The following MSTO1 variants were observed in gnomAD, a reference collection of about 807,000 sequenced individuals.
MSTO1 encodes misato mitochondrial distribution and morphology regulator 1.
MSTO1 carries 24 observed loss-of-function variants against 55.7 expected under a neutral mutation model. The ratio of observed to expected loss-of-function variants is 0.43; its 90% CI spans 0.31 to 0.61. MSTO1 has a LOEUF of 0.61. Ranked by LOEUF, MSTO1 falls within the 20% of genes least tolerant of loss-of-function variation. The pLI, the probability that MSTO1 is intolerant of heterozygous loss-of-function variation, is 0.09. For synonymous variants in MSTO1, 162 were observed against 252.8 expected, an observed-to-expected ratio of 0.64 and a Z score of 3.41; for missense variants, 363 against 625.7, an observed-to-expected ratio of 0.58 and a Z score of 4.48.
chr1:155,585,297 G>A, the MSTO1 span, among the ~76,000 whole-genome samples: 1 of 152,150 alleles, frequency 6.6e-6, no homozygotes, highest in African/African-American at 2.4e-5. Context: ...GCCAAGGCGG[G>A]CGGATCACGA....
the MSTO1 span, among the ~76,000 whole-genome samples, chr1:155,565,707 T>C: frequency 1.3e-5 from 2 of 152,194 alleles, no homozygotes; most frequent in African/African-American, 4.8e-5. Context: ...TAAGTTTCAT[T>C]AACTACACTG....
the MSTO1 span, among the ~76,000 whole-genome samples, chr1:155,603,461 T>A: frequency 6.6e-6 from 1 of 152,158 alleles, no homozygotes; most frequent in Non-Finnish European, 1.5e-5. Context: ...GGTTACAGAA[T>A]TAATATACTT....
At chr1:155,604,657 C>A in the MSTO1 span, among the ~76,000 whole-genome samples, 1 of 152,076 alleles carries the variant, frequency 6.6e-6, no homozygotes, top group Non-Finnish European at 1.5e-5. Flanking sequence ...AGGAGGATTG[C>A]TTGAGCCCAG....
intron 13 of MSTO1, 50 bp from the exon 14 acceptor site, chr1:155,614,009 G>C (rs1328468604): frequency 1.9e-6 from 3 of 1,607,514 alleles, no homozygotes; most frequent in Non-Finnish European, 2.6e-6. Flanking sequence ...CAGAGTCCCA[G>C]GGCAGAATAA....
Position 155,613,158 on chromosome 1 carries a change from G to T in MSTO1, c.1208G>T (p.Cys403Phe). The T allele has an allele frequency of 6.2e-7, 1 of 1,614,158 alleles. No homozygotes were observed. Among genetic ancestry groups the T allele is most frequent in the Non-Finnish European group, 8.5e-7 (1 of 1,180,036 alleles). The change falls in exon 11 of 14, where the codon TGT (cysteine) becomes TTT (phenylalanine). Residue 403 changes from cysteine to phenylalanine, a missense_variant. Around this residue, in one of 3 missense-constraint regions of MSTO1, gnomAD observed 231 missense variants for 286.9 expected, o/e 0.81. Transcript: ENST00000245564. ...ACCCCATGGACCCCACTGTCTGCAT[G>T]TGGGGAGCCTTCTGGAACACGTTGC... ...GATPWTPLSA[C>F]GEPSGTRCFA...
chr1:155,609,744 G>GATAT (rs1366009486), upstream of MSTO1: 1 of 163,262 alleles, frequency 6.1e-6, no homozygotes, highest in East Asian at 1.9e-4. Context: ...AAATGATAGA[G>GATAT]ATATGATAGC....
At chr1:155,595,170 TTTG>T in the MSTO1 span, among the ~76,000 whole-genome samples, 1 of 141,538 alleles carries the variant, frequency 7.1e-6, no homozygotes, top group Non-Finnish European at 1.5e-5. Context: ...CTGCTTCAGG[TTTG>T]TTGTTTTTTT....
upstream of MSTO1, among the ~76,000 whole-genome samples, chr1:155,606,198 C>CCT (rs1672931661): frequency 7.1e-5 from 2 of 28,090 alleles, no homozygotes; most frequent in Admixed American, 8.3e-4. Flanking sequence ...CATGCCCAGC[C>CCT]TTTTTTTTTT....
At chr1:155,609,992 C>G (rs368403606), upstream of MSTO1, 16 of 507,748 alleles carry the variant, frequency 3.2e-5, no homozygotes, top group African/African-American at 6.0e-5. Flanking sequence ...GCGCCCACCC[C>G]GCTCCAACGT....
chr1:155,606,099 T>C (rs978796811), upstream of MSTO1, among the ~76,000 whole-genome samples: 1 of 150,316 alleles, frequency 6.7e-6, no homozygotes, highest in African/African-American at 2.4e-5. Flanking sequence ...AGTAGCATAA[T>C]CTCAGTTCAG....
chr1:155,612,871 A>G lies in MSTO1; in HGVS notation c.994A>G (p.Ile332Val). Residue 332 changes from isoleucine (I) to valine (V), a missense_variant, in exon 10 of 14, where the codon ATC (isoleucine) becomes GTC (valine). Coordinates refer to ENST00000245564, the MANE Select transcript of MSTO1 (RefSeq NM_018116.4). The part of the protein sequence containing the change: ...DATLPFHCSA[I>V]LATALDTVTV... ...CACTCTGCCCTTCCACTGCAGTGCC[A>G]TCCTGGCTACAGCCCTGGACACAGT... The G allele has an allele frequency of 6.2e-7, 1 of 1,613,830 alleles. No homozygotes were observed. The highest frequency in any genetic ancestry group is 8.5e-7 in the Non-Finnish European group (1 of 1,179,826).
Position 155,612,096 on chromosome 1 carries a change from T to C in MSTO1, c.674T>C (p.Leu225Ser). 3 of 1,612,044 alleles carry C rather than the reference T, an allele frequency of 1.9e-6. No homozygotes were observed. The highest frequency in any genetic ancestry group is 2.5e-6 in the Non-Finnish European group (3 of 1,179,562). The change falls in exon 7 of 14, where the codon TTG (leucine) becomes TCG (serine). Residue 225 changes from leucine (L) to serine (S), a missense_variant. Physicochemically the swap from Leu to Ser is moderately radical, Grantham distance 145. This residue lies in a region of MSTO1 where 94 missense variants were observed against 212.4 expected (regional missense o/e 0.44). Transcript: ENST00000245564. The part of the protein sequence containing the change: ...LHFYVEECDY[L>S]QGFQILCDLH... ...TTCTACGTGGAGGAATGTGACTACTTGCAGGTAGTGGCGTGGCAATGTGCA... is the reference window on the plus strand; with the variant it reads ...TTCTACGTGGAGGAATGTGACTACTCGCAGGTAGTGGCGTGGCAATGTGCA...
At chr1:155,576,123 C>T in the MSTO1 span, among the ~76,000 whole-genome samples, 19 of 151,566 alleles carry the variant, frequency 1.3e-4, 1 homozygote, top group South Asian at 4.0e-3. Context: ...CGCCAGGCCC[C>T]CCATTTTTAA....
chr1:155,602,427 G>T, the MSTO1 span, among the ~76,000 whole-genome samples: 2 of 152,202 alleles, frequency 1.3e-5, no homozygotes, highest in Admixed American at 6.5e-5. Context: ...GGTGAGCGGA[G>T]ATCTTGCCAT....
the MSTO1 span, chr1:155,590,925 G>A: frequency 1.2e-6 from 2 of 1,613,492 alleles, no homozygotes. Flanking sequence ...GGCGGGCCTT[G>A]GAATCCTTCT....
the MSTO1 span, among the ~76,000 whole-genome samples, chr1:155,588,309 A>AT: frequency 6.6e-5 from 10 of 151,988 alleles, no homozygotes; most frequent in African/African-American, 2.4e-4. Context: ...GGTTTACTTC[A>AT]TTTTTTCATT....
the MSTO1 span, among the ~76,000 whole-genome samples, chr1:155,579,683 T>C: frequency 6.6e-6 from 1 of 152,222 alleles, no homozygotes; most frequent in African/African-American, 2.4e-5. Flanking sequence ...ATGCCTTTAA[T>C]TTGCTTATTA....
chr1:155,613,985 C>G, intron 13 of MSTO1, 74 bp from the exon 14 acceptor site: 2 of 1,601,496 alleles, frequency 1.2e-6, no homozygotes, highest in East Asian at 4.5e-5. Context: ...GGTTGGACTT[C>G]CTTATCAGTT....
chr1:155,576,354 C>T, the MSTO1 span, among the ~76,000 whole-genome samples: 43 of 151,944 alleles, frequency 2.8e-4, no homozygotes, highest in East Asian at 7.2e-3. Flanking sequence ...TTTTTTGAGA[C>T]GGAGTCTCTG....
Sources: gnomAD v4.1 joint callset for allele counts (sites outside exome capture counted in the v4.1 genomes callset) on GRCh38, gnomAD v4.1.1 for gene constraint, gnomAD v4.1.1 regional missense constraint, MANE v1.5 for transcripts, NCBI Gene and HGNC (gene_info 2026-07-23, HGNC 2026-07-21) for gene names.